The following JAKMIP1 variants were observed in gnomAD, a reference collection of about 807,000 sequenced individuals.
JAKMIP1 encodes the protein janus kinase and microtubule-interacting protein 1.
In JAKMIP1, 33 loss-of-function variants were observed where a neutral mutation model predicts 113.0. That is an observed-to-expected ratio of 0.29 (90% CI 0.22 to 0.39). The LOEUF is 0.39. Among genes scored for constraint, JAKMIP1 ranks in the 10% least tolerant of loss-of-function variants. The probability of loss-of-function intolerance (pLI) is 1.00; values close to 1 mark genes in which losing one functional copy is unlikely to be tolerated. For synonymous variants in JAKMIP1, 480 were observed against 459.9 expected (o/e 1.04, Z -0.56); for missense variants, 813 against 1,080.5 (o/e 0.75, Z 3.47).
In JAKMIP1 at chr4:6,094,366, G is replaced by T. The variant is rs1295338184; in HGVS notation, c.625-8737C>A. On this transcript the variant is annotated intron_variant, in intron 3 of 20. Transcript: ENST00000409021. This position sits in a 1 kb window ranked among gnomAD's most constrained non-coding sequence, Gnocchi z 4.2. ...GCTGCCTGAAGCTTGATGCGAAAGG[G>T]CCACTGAGAAGGCCAGAAATGGGCC... 6.6e-6 allele frequency among the ~76,000 whole-genome samples: 1 copy of T among 152,166 alleles called. No individual in the cohort carries two copies.
intron 1 of JAKMIP1, among the ~76,000 whole-genome samples, chr4:6,131,199 A>T (rs1343314104): frequency 6.9e-6 from 1 of 145,096 alleles, no homozygotes; most frequent in Non-Finnish European, 1.5e-5. Flanking sequence ...TAAGACAACT[A>T]CAAAAGGTAT....
At chr4:6,159,798 A>G (rs1283030976) in intron 1 of JAKMIP1, among the ~76,000 whole-genome samples, 1 of 152,190 alleles carries the variant, frequency 6.6e-6, no homozygotes, top group Non-Finnish European at 1.5e-5. Flanking sequence ...TAATAGCTTC[A>G]CTCTGAAAAT....
chr4:6,111,793 G>C (rs1714978240), intron 2 of JAKMIP1, among the ~76,000 whole-genome samples: 1 of 152,214 alleles, frequency 6.6e-6, no homozygotes, highest in African/African-American at 2.4e-5. Context: ...GAGGAAAGTA[G>C]CTCATATCGC....
chr4:6,116,883 G>C lies in JAKMIP1; in HGVS notation c.-147-3886C>G, dbSNP rs922838582. The stretch of plus-strand genomic sequence containing the variant: ...CAGCTATCAAATATCACCTGTCACG[G>C]GCAGGCGGTGGGGAGGGCAAACTGC... On this transcript the variant is annotated intron_variant, in intron 1 of 20. Transcript: ENST00000409021. The surrounding 1 kb of genome is among the most constrained non-coding windows in gnomAD (Gnocchi z 5.1). Among the ~76,000 whole-genome samples the C allele has an allele frequency of 6.6e-6, 1 of 152,222 alleles. No homozygotes were observed. The highest frequency in any genetic ancestry group is 2.4e-5 in the African/African-American group (1 of 41,452).
At position 6,137,173 on chromosome 4, in the gene JAKMIP1, C is replaced by A. The variant is rs1719365415; in HGVS notation, c.-147-24176G>T. On this transcript the variant is annotated intron_variant, in intron 1 of 20. Coordinates refer to ENST00000409021, the MANE Select transcript of JAKMIP1 (RefSeq NM_001099433.2). This position sits in a 1 kb window ranked among gnomAD's most constrained non-coding sequence, Gnocchi z 4.5. Reference sequence around the variant, plus strand: ...TGCTCCCTTGCCTTGCAGAGCCTCCCCCATAGGGCTTGGAATCGAGCCACA... The same window carrying A: ...TGCTCCCTTGCCTTGCAGAGCCTCCACCATAGGGCTTGGAATCGAGCCACA... Among the ~76,000 whole-genome samples the A allele has an allele frequency of 6.6e-6, 1 of 152,182 alleles. No homozygotes were observed. The highest frequency in any genetic ancestry group is 2.1e-4 in the South Asian group (1 of 4,830).
chr4:6,077,710 C>T (rs1719886564), intron 8 of JAKMIP1, among the ~76,000 whole-genome samples: 1 of 151,956 alleles, frequency 6.6e-6, no homozygotes, highest in Admixed American at 6.6e-5. Context: ...TCTCAAACTC[C>T]TGGGCTCAAG....
rs180825256 is a variant in JAKMIP1 at position 6,064,296 on chromosome 4, C to T, written c.1431+584G>A. On this transcript the variant is annotated intron_variant, in intron 9 of 20. Coordinates refer to ENST00000409021, the MANE Select transcript of JAKMIP1 (RefSeq NM_001099433.2). This position sits in a 1 kb window ranked among gnomAD's most constrained non-coding sequence, Gnocchi z 4.3. Reference sequence around the variant, plus strand: ...CTGGGGAAGGTGAGTGAGAACGAAGCTGGTCTTTGCCCCCTCACGAATCCA... The same window carrying T: ...CTGGGGAAGGTGAGTGAGAACGAAGTTGGTCTTTGCCCCCTCACGAATCCA... Among the ~76,000 whole-genome samples, 113 of 152,340 alleles carry T rather than the reference C, an allele frequency of 7.4e-4. 1 individual carries two copies. The highest frequency in any genetic ancestry group is 3.4e-3 in the Middle Eastern group (1 of 294).
chr4:6,026,333 C>T (rs1240318636), intron 20 of JAKMIP1, 55 bp from the exon 21 acceptor site: 1 of 906,880 alleles, frequency 1.1e-6, no homozygotes, highest in South Asian at 1.5e-5. Flanking sequence ...GAAAAGAAAA[C>T]AGATGTAAGA....
Position 6,171,207 on chromosome 4 carries a change from CCAT to C in JAKMIP1, c.-148+29043_-148+29045del, listed in dbSNP as rs775700636. Among the ~76,000 whole-genome samples the C allele has an allele frequency of 1.6e-3, 242 of 151,068 alleles. 2 individuals carry two copies. Among genetic ancestry groups the C allele is most frequent in the African/African-American group, 5.2e-3 (213 of 41,042 alleles). ...ACCATCACCATCATCACCACCATCA[CCAT>C]CATCACCACCACCACCATTCCCACT... On this transcript the variant is annotated intron_variant, in intron 1 of 20. Coordinates refer to ENST00000409021, the MANE Select transcript of JAKMIP1 (RefSeq NM_001099433.2).
intron 8 of JAKMIP1, among the ~76,000 whole-genome samples, chr4:6,078,577 A>C (rs1384347583): frequency 6.6e-6 from 1 of 152,138 alleles, no homozygotes; most frequent in Non-Finnish European, 1.5e-5. Context: ...AAAAACACAA[A>C]GCTCCTGATT....
intron 3 of JAKMIP1, among the ~76,000 whole-genome samples, chr4:6,096,739 A>G (rs952960209): frequency 6.6e-6 from 1 of 152,174 alleles, no homozygotes; most frequent in African/African-American, 2.4e-5. Context: ...TACAGATTTG[A>G]GGGTTTTTGG....
chr4:6,065,446 T>C lies in JAKMIP1; in HGVS notation c.1303-438A>G, dbSNP rs1717930039. ...TGTACCAAGGAGAAGGGGGACAGGG[T>C]CCAGGGAGATGCTCAGTTCTAAGGA... On this transcript the variant is annotated intron_variant, in intron 8 of 20. Transcript: ENST00000409021. The surrounding 1 kb of genome is among the most constrained non-coding windows in gnomAD (Gnocchi z 5.1). 6.6e-6 allele frequency among the ~76,000 whole-genome samples: 1 copy of C among 152,038 alleles called. No homozygotes were observed. The highest frequency in any genetic ancestry group is 1.5e-5 in the Non-Finnish European group (1 of 68,010).
At chr4:6,152,620 C>T (rs1295162773) in intron 1 of JAKMIP1, among the ~76,000 whole-genome samples, 1 of 152,084 alleles carries the variant, frequency 6.6e-6, no homozygotes, top group East Asian at 1.9e-4. Context: ...TTCACTCTTG[C>T]AGCAGATCTT....
intron 3 of JAKMIP1, among the ~76,000 whole-genome samples, chr4:6,096,228 G>T (rs546623269): frequency 3.1e-4 from 47 of 152,340 alleles, no homozygotes; most frequent in African/African-American, 7.2e-4. Flanking sequence ...TAATTTGATT[G>T]GGTATGATAG....
rs564585121 is a variant in JAKMIP1, at chr4:6,056,572, AG to A, written c.1707+124del. On this transcript the variant is annotated intron_variant, in intron 12 of 20. Transcript: ENST00000409021. ...ACATCTCTCCTCATGGGAGGTGTGC[AG>A]GACCCGAGGCCCTGGTCACTGGAGT... 5.9e-4 allele frequency: 426 copies of A among 722,834 alleles called. 7 individuals are homozygous for A. The South Asian group carries it at 6.3e-3, about 11-fold the overall frequency. 44.8% of individuals were successfully genotyped at this position (722,834 alleles called of 1,614,324 possible).
At chr4:6,134,109 C>T (rs1357172814) in intron 1 of JAKMIP1, among the ~76,000 whole-genome samples, 1 of 152,188 alleles carries the variant, frequency 6.6e-6, no homozygotes. Context: ...GGCAGTTCCC[C>T]CATGCTGTTC....
At chr4:6,058,769 T>A (rs1716830938) in intron 11 of JAKMIP1, among the ~76,000 whole-genome samples, 1 of 152,240 alleles carries the variant, frequency 6.6e-6, no homozygotes, top group Admixed American at 6.5e-5. Context: ...ACTTTTTGTC[T>A]GAATGCTAAT....
chr4:6,111,310 C>G (rs1421422856), intron 2 of JAKMIP1, among the ~76,000 whole-genome samples: 1 of 152,308 alleles, frequency 6.6e-6, no homozygotes, highest in African/African-American at 2.4e-5. Context: ...TTCAGATAGA[C>G]CTTCAACTGC....
chr4:6,077,118 G>C (rs146549287), intron 8 of JAKMIP1, among the ~76,000 whole-genome samples: 411 of 152,316 alleles, frequency 2.7e-3, no homozygotes, highest in Non-Finnish European at 4.8e-3. Flanking sequence ...CCCCCAAAAA[G>C]ATAGGTCGAG....
Sources: allele counts gnomAD v4.1 joint callset (sites outside exome capture counted in the v4.1 genomes callset), GRCh38; gene constraint gnomAD v4.1.1; non-coding constraint Gnocchi (gnomAD v3.1); transcripts MANE v1.5; gene names NCBI Gene and HGNC (gene_info 2026-07-23, HGNC 2026-07-21).